Variants in TENM2 observed in about 807,000 individuals in gnomAD.
TENM2 encodes the protein teneurin-2.
Under a neutral mutation model 245.2 loss-of-function variants are expected in TENM2, and 52 were observed. That is an observed-to-expected ratio of 0.21 (90% CI 0.17 to 0.27). The LOEUF (loss-of-function observed/expected upper bound fraction) is 0.27. TENM2 is among the 10% of genes least tolerant of loss of function. TENM2 has a pLI of 1.00. For synonymous variants in TENM2, 1,363 were observed against 1,438.9 expected, an observed-to-expected ratio of 0.95 and a Z score of 1.19; for missense variants, 3,046 against 3,666.8, an observed-to-expected ratio of 0.83 and a Z score of 4.37.
In TENM2 at chr5:168,254,668, A is replaced by G. The variant is rs114875448; in HGVS notation, c.7433-5615A>G. 9.3e-3 allele frequency among the ~76,000 whole-genome samples: 1,422 copies of G among 152,280 alleles called. 25 individuals are homozygous for G. Among genetic ancestry groups the G allele is most frequent in the African/African-American group, 0.033 (1,360 of 41,560 alleles). On this transcript the variant is annotated intron_variant, in intron 27 of 28. Transcript: ENST00000518659. ...CAGAGGCAGGAGGGCTCTTAACATC[A>G]CTTTCACCTCCTCAAGGGATCCTGA...
At chr5:167,415,181 C>T (rs1186317657) in intron 2 of TENM2, among the ~76,000 whole-genome samples, 1 of 152,096 alleles carries the variant, frequency 6.6e-6, no homozygotes. Context: ...TTCTGTCTAT[C>T]ACCATTTCAA....
chr5:167,859,590 C>T (rs1285413615), intron 2 of TENM2, among the ~76,000 whole-genome samples: 9 of 105,992 alleles, frequency 8.5e-5, no homozygotes, highest in Admixed American at 1.7e-4. Flanking sequence ...CCAGCCGCCC[C>T]GTCCGGGAGG....
At chr5:168,044,880 G>A (rs1445452357) in intron 5 of TENM2, among the ~76,000 whole-genome samples, 1 of 151,584 alleles carries the variant, frequency 6.6e-6, no homozygotes, top group Non-Finnish European at 1.5e-5. Context: ...CCACCGGCCA[G>A]AGAGAGCATC....
At position 168,031,107 on chromosome 5, in the gene TENM2, G is replaced by T. The variant is rs185382811; in HGVS notation, c.1187-16320G>T. 1.2e-4 allele frequency among the ~76,000 whole-genome samples: 19 copies of T among 152,310 alleles called. No individual in the cohort carries two copies. The East Asian group carries it at 3.7e-3, about 29-fold the overall frequency. ...ATGAGGTATGTGTACCAGGTCAGCT[G>T]ATCTGAGGTTCCTCTGTCAAGCTTC... On this transcript the variant is annotated intron_variant, in intron 5 of 28. Transcript: ENST00000518659.
chr5:167,430,623 C>T (rs1328832620), intron 2 of TENM2, among the ~76,000 whole-genome samples: 1 of 152,142 alleles, frequency 6.6e-6, no homozygotes, highest in African/African-American at 2.4e-5. Context: ...GTGGTGCAGC[C>T]TATTAAGTGG....
At chr5:168,260,218 AAGC>A (rs1768057052) in intron 27 of TENM2, 62 bp from the exon 30 acceptor site, 2 of 1,581,700 alleles carry the variant, frequency 1.3e-6, no homozygotes, top group Admixed American at 3.4e-5. Context: ...TTCTCTCTTT[AAGC>A]TCTGCTGCTG....
intron 5 of TENM2, among the ~76,000 whole-genome samples, chr5:167,994,494 T>C (rs1562027527): frequency 6.6e-6 from 1 of 152,242 alleles, no homozygotes; most frequent in Non-Finnish European, 1.5e-5. Context: ...GGCATGACTG[T>C]GCACCCCCAC....
intron 2 of TENM2, among the ~76,000 whole-genome samples, chr5:167,400,823 C>T (rs1368688999): frequency 2.0e-5 from 3 of 152,108 alleles, no homozygotes; most frequent in African/African-American, 7.2e-5. Flanking sequence ...ATGCCATAAG[C>T]CACAAAATAT....
chr5:167,591,549 G>T (rs1775876964), intron 2 of TENM2, among the ~76,000 whole-genome samples: 1 of 152,138 alleles, frequency 6.6e-6, no homozygotes, highest in Admixed American at 6.5e-5. Flanking sequence ...AATTCTCAAG[G>T]CATGTCACTC....
intron 9 of TENM2, among the ~76,000 whole-genome samples, chr5:168,111,405 G>C (rs1421054893): frequency 6.6e-6 from 1 of 152,114 alleles, no homozygotes; most frequent in African/African-American, 2.4e-5. Flanking sequence ...CAACTAAAGC[G>C]TCTGAGTACT....
chr5:167,261,527 T>G, the TENM2 span, among the ~76,000 whole-genome samples: 2 of 152,130 alleles, frequency 1.3e-5, no homozygotes, highest in Non-Finnish European at 2.9e-5. Flanking sequence ...TTCTTCATCA[T>G]TATCATCACC....
intron 23 of TENM2, among the ~76,000 whole-genome samples, chr5:168,224,338 G>T (rs1436184456): frequency 6.6e-6 from 1 of 152,126 alleles, no homozygotes; most frequent in African/African-American, 2.4e-5. Context: ...CCTGCTCCAA[G>T]ATCTCCCTCC....
At chr5:167,030,212 A>T in the TENM2 span, among the ~76,000 whole-genome samples, 1 of 152,042 alleles carries the variant, frequency 6.6e-6, no homozygotes, top group Non-Finnish European at 1.5e-5. Context: ...GAACACTCAC[A>T]CTTCTCCTTA....
At chr5:167,512,892 GGAT>G (rs796639399) in intron 2 of TENM2, among the ~76,000 whole-genome samples, 3 of 152,184 alleles carry the variant, frequency 2.0e-5, no homozygotes, top group African/African-American at 7.2e-5. Flanking sequence ...TTTGAAGCAG[GGAT>G]GATAAGAGCA....
chr5:167,503,950 A>G (rs528101994), intron 2 of TENM2, among the ~76,000 whole-genome samples: 1 of 152,296 alleles, frequency 6.6e-6, no homozygotes, highest in South Asian at 2.1e-4. Context: ...ATGTTTGACA[A>G]CTTCTTTCCA....
At chr5:167,871,924 C>T (rs1351640353) in intron 2 of TENM2, among the ~76,000 whole-genome samples, 1 of 152,136 alleles carries the variant, frequency 6.6e-6, no homozygotes, top group Non-Finnish European at 1.5e-5. Flanking sequence ...TACAGATGGT[C>T]TCTGTCAGTT....
the TENM2 span, among the ~76,000 whole-genome samples, chr5:166,984,195 G>C: frequency 6.6e-6 from 1 of 152,028 alleles, no homozygotes; most frequent in African/African-American, 2.4e-5. Flanking sequence ...TTATGAATTT[G>C]GTTCCAAAGA....
At position 167,959,019 on chromosome 5, in the gene TENM2, G is replaced by A. The variant is rs778676680; in HGVS notation, c.947+6197G>A. 1.2e-3 allele frequency among the ~76,000 whole-genome samples: 187 copies of A among 152,088 alleles called. 1 individual carries two copies. The highest frequency in any genetic ancestry group is 6.6e-4 in the Non-Finnish European group (45 of 68,020). On this transcript the variant is annotated intron_variant, in intron 4 of 28. Transcript: ENST00000518659. ...TTTTCTGTATTTCCTGAACTTGAAT[G>A]TTGGCCTGTCTTGCTAGGTTGGGGA... is the stretch of plus-strand genomic sequence containing the variant.
At chr5:167,959,913 A>G (rs1025279856) in intron 4 of TENM2, among the ~76,000 whole-genome samples, 1 of 151,880 alleles carries the variant, frequency 6.6e-6, no homozygotes, top group African/African-American at 2.4e-5. Flanking sequence ...GTTGATGGTG[A>G]TGCTATTCCT....
Sources: allele counts gnomAD v4.1 joint callset (sites outside exome capture counted in the v4.1 genomes callset), GRCh38; gene constraint gnomAD v4.1.1; transcripts MANE v1.5; gene names NCBI Gene and HGNC (gene_info 2026-07-23, HGNC 2026-07-21).